Variants in MRPL13 observed in about 807,000 individuals in gnomAD.
The protein encoded by MRPL13 is mitochondrial ribosomal protein L13, also known as large ribosomal subunit protein uL13m.
MRPL13 carries 33 observed loss-of-function variants against 29.0 expected under a neutral mutation model. The ratio of observed to expected loss-of-function variants is 1.14; its 90% CI spans 0.86 to 1.52. The LOEUF is 1.52. MRPL13 is among the 40% of genes most tolerant of loss of function. MRPL13 has a pLI of 0.00. For missense variants in MRPL13, 227 were observed against 216.7 expected (o/e 1.05, Z -0.30); for synonymous variants, 77 against 68.4 (o/e 1.13, Z -0.62).
chr8:120,420,861 T>C (rs1812864524), intron 4 of MRPL13, among the ~76,000 whole-genome samples: 1 of 152,042 alleles, frequency 6.6e-6, no homozygotes, highest in South Asian at 2.1e-4. Context: ...TGTATTTATT[T>C]GAATTACTAA....
At chr8:120,397,712 G>A (rs1045573549) in intron 6 of MRPL13, among the ~76,000 whole-genome samples, 1 of 151,966 alleles carries the variant, frequency 6.6e-6, no homozygotes, top group African/African-American at 2.4e-5. Flanking sequence ...ACAGGACTCT[G>A]ATCTCTCCCT....
At chr8:120,441,974 T>C (rs1813130021) in intron 2 of MRPL13, among the ~76,000 whole-genome samples, 1 of 152,182 alleles carries the variant, frequency 6.6e-6, no homozygotes, top group Non-Finnish European at 1.5e-5. Context: ...TTTGACCTTT[T>C]CTGATAGTTT....
chr8:120,396,311 G>A (rs1175316782), intron 6 of MRPL13, among the ~76,000 whole-genome samples, 186 bp from the exon 7 acceptor site: 1 of 151,958 alleles, frequency 6.6e-6, no homozygotes, highest in Non-Finnish European at 1.5e-5. Context: ...GAACAGTTAA[G>A]TGACAACTCC....
chr8:120,438,890 G>A (rs532413982), intron 2 of MRPL13, among the ~76,000 whole-genome samples: 3 of 152,268 alleles, frequency 2.0e-5, no homozygotes, highest in African/African-American at 7.2e-5. Flanking sequence ...CTATAAATCG[G>A]TAATTCTATG....
chr8:120,420,252 A>G (rs1812854263), intron 4 of MRPL13, among the ~76,000 whole-genome samples: 1 of 151,376 alleles, frequency 6.6e-6, no homozygotes, highest in Non-Finnish European at 1.5e-5. Flanking sequence ...ATGTGTGTTA[A>G]AGCTAAACCC....
intron 5 of MRPL13, among the ~76,000 whole-genome samples, chr8:120,416,963 G>T (rs1416777339): frequency 6.6e-6 from 1 of 152,074 alleles, no homozygotes; most frequent in African/African-American, 2.4e-5. Flanking sequence ...CCCAATTCAG[G>T]ATCAGGTCAA....
At chr8:120,410,747 CTCCCTCCCTCCA>C (rs1176835067) in intron 6 of MRPL13, among the ~76,000 whole-genome samples, 2 of 152,002 alleles carry the variant, frequency 1.3e-5, no homozygotes, top group African/African-American at 2.4e-5. Context: ...AGAGAGTTAC[CTCCCTCCCTCCA>C]TCCCTCCCTC....
chr8:120,424,864 A>G (rs1454630869), intron 4 of MRPL13, among the ~76,000 whole-genome samples: 1 of 152,174 alleles, frequency 6.6e-6, no homozygotes, highest in African/African-American at 2.4e-5. Context: ...GACCTGTAAG[A>G]AGAAATTAAT....
chr8:120,443,128 A>T, intron 2 of MRPL13, 57 bp downstream of exon 2: 5 of 1,396,152 alleles, frequency 3.6e-6, no homozygotes, highest in Non-Finnish European at 4.7e-6. Flanking sequence ...CTTCATCAAG[A>T]TTCTATTCTG....
At chr8:120,398,074 T>C (rs1052571086) in intron 6 of MRPL13, among the ~76,000 whole-genome samples, 1 of 152,232 alleles carries the variant, frequency 6.6e-6, no homozygotes, top group Non-Finnish European at 1.5e-5. Context: ...CTGTTGGCTC[T>C]GGACAGTTGA....
At chr8:120,426,384 T>C (rs1461282318) in intron 3 of MRPL13, among the ~76,000 whole-genome samples, 1 of 151,812 alleles carries the variant, frequency 6.6e-6, no homozygotes, top group African/African-American at 2.4e-5. Context: ...AAGTTAGAAG[T>C]TTGCTGAGAA....
intron 1 of MRPL13, among the ~76,000 whole-genome samples, chr8:120,444,193 T>C (rs1423561338): frequency 1.3e-5 from 2 of 152,178 alleles, no homozygotes; most frequent in Non-Finnish European, 2.9e-5. Context: ...CTGGGCGATG[T>C]CAGATTGCTG....
intron 2 of MRPL13, among the ~76,000 whole-genome samples, chr8:120,440,717 A>AAAT (rs1168919250): frequency 6.6e-6 from 1 of 151,402 alleles, no homozygotes; most frequent in African/African-American, 2.4e-5. Flanking sequence ...AAAATAAATA[A>AAAT]AATAATAATA....
chr8:120,396,009 T>A lies in MRPL13; in HGVS notation c.*95A>T. On this transcript the variant is annotated 3_prime_UTR_variant, in exon 7 of 7. Transcript: ENST00000306185. ...TCGGCACATAAAACAGGTGCTGAAC[T>A]GTAGCAGTTGTTTTACTCCATCCTG... is the stretch of plus-strand genomic sequence containing the variant. 1.9e-6 allele frequency: 2 copies of A among 1,028,256 alleles called. No individual in the cohort carries two copies. Among genetic ancestry groups the A allele is most frequent in the Non-Finnish European group, 2.9e-6 (2 of 685,058 alleles). 63.7% of individuals were successfully genotyped at this position (1,028,256 alleles called of 1,614,324 possible).
At chr8:120,397,469 C>A (rs1286900849) in intron 6 of MRPL13, among the ~76,000 whole-genome samples, 1 of 152,170 alleles carries the variant, frequency 6.6e-6, no homozygotes, top group African/African-American at 2.4e-5. Flanking sequence ...CTGAGATGGA[C>A]AAGTTCCTGG....
chr8:120,427,210 C>G (rs998403633), intron 3 of MRPL13, among the ~76,000 whole-genome samples: 3 of 152,072 alleles, frequency 2.0e-5, no homozygotes, highest in Non-Finnish European at 4.4e-5. Flanking sequence ...ACTGAAACTT[C>G]ATTATTAAGT....
At chr8:120,443,014 G>C (rs1484373840) in intron 2 of MRPL13, among the ~76,000 whole-genome samples, 171 bp downstream of exon 2, 2 of 152,092 alleles carry the variant, frequency 1.3e-5, no homozygotes, top group Non-Finnish European at 2.9e-5. Flanking sequence ...GTTTTCCAGT[G>C]AATAAGCCAA....
At chr8:120,396,763 T>C (rs1812528960) in intron 6 of MRPL13, among the ~76,000 whole-genome samples, 1 of 152,202 alleles carries the variant, frequency 6.6e-6, no homozygotes, top group Non-Finnish European at 1.5e-5. Context: ...AATTATAAAA[T>C]GCAAACAATT....
intron 5 of MRPL13, among the ~76,000 whole-genome samples, chr8:120,416,249 C>T (rs983081186): frequency 2.0e-5 from 3 of 152,172 alleles, no homozygotes; most frequent in African/African-American, 4.8e-5. Flanking sequence ...AATCCCAGCA[C>T]TTTGGGAGGC....
Sources: gnomAD v4.1 joint callset for allele counts (sites outside exome capture counted in the v4.1 genomes callset) on GRCh38, gnomAD v4.1.1 for gene constraint, MANE v1.5 for transcripts, NCBI Gene and HGNC (gene_info 2026-07-23, HGNC 2026-07-21) for gene names.